Variants in NOL10 observed in about 807,000 individuals in gnomAD.
The protein encoded by NOL10 is nucleolar protein 10, also known as H_NH0074G24.1.
In NOL10, 58 loss-of-function variants were observed where a neutral mutation model predicts 103.5. The ratio of observed to expected loss-of-function variants is 0.56; its 90% CI spans 0.45 to 0.70. The LOEUF (loss-of-function observed/expected upper bound fraction) is 0.70, where lower values mean the gene tolerates loss of function less well. NOL10 is among the 30% of genes least tolerant of loss of function. The pLI is 0.00. For missense variants in NOL10, 763 were observed against 807.3 expected, an observed-to-expected ratio of 0.95 and a Z score of 0.67; for synonymous variants, 287 against 282.5, an observed-to-expected ratio of 1.02 and a Z score of -0.16.
chr2:10,639,977 C>T (rs1678588990), intron 13 of NOL10, among the ~76,000 whole-genome samples: 1 of 152,108 alleles, frequency 6.6e-6, no homozygotes, highest in Non-Finnish European at 1.5e-5. Context: ...TCAGGAACTG[C>T]ATTAGTTTAT....
intron 16 of NOL10, among the ~76,000 whole-genome samples, chr2:10,601,831 T>A (rs1675988636): frequency 1.3e-5 from 2 of 152,138 alleles, no homozygotes; most frequent in Admixed American, 1.3e-4. Flanking sequence ...CAGAAATCTT[T>A]TAACAGTCTG....
At chr2:10,684,914 A>T (rs1054323458) in intron 1 of NOL10, among the ~76,000 whole-genome samples, 1 of 152,202 alleles carries the variant, frequency 6.6e-6, no homozygotes, top group African/African-American at 2.4e-5. Context: ...AGCTCACCGA[A>T]GGCTCAAACT....
intron 19 of NOL10, among the ~76,000 whole-genome samples, chr2:10,580,291 T>C (rs1380475294): frequency 6.6e-6 from 1 of 152,222 alleles, no homozygotes; most frequent in Non-Finnish European, 1.5e-5. Context: ...CTTCTCAGCA[T>C]GTTTCTTCCA....
intron 12 of NOL10, among the ~76,000 whole-genome samples, chr2:10,649,296 T>C (rs946024713): frequency 1.3e-5 from 2 of 149,430 alleles, no homozygotes; most frequent in African/African-American, 4.9e-5. Context: ...TTTTTCAACT[T>C]TTCTGTATGT....
chr2:10,632,237 C>T (rs1395003740), intron 13 of NOL10, among the ~76,000 whole-genome samples: 2 of 152,110 alleles, frequency 1.3e-5, no homozygotes, highest in Admixed American at 6.6e-5. Flanking sequence ...GACAAAATGA[C>T]GCCCCTGCAT....
intron 12 of NOL10, among the ~76,000 whole-genome samples, chr2:10,645,090 A>G (rs555255054): frequency 6.6e-6 from 1 of 152,318 alleles, no homozygotes; most frequent in Admixed American, 6.5e-5. Context: ...ACTTTCACAT[A>G]TACTATCTTA....
At chr2:10,662,534 A>G (rs903196160) in intron 9 of NOL10, among the ~76,000 whole-genome samples, 4 of 152,236 alleles carry the variant, frequency 2.6e-5, no homozygotes, top group African/African-American at 9.6e-5. Context: ...AAATGGATGT[A>G]TAATAGTGAA....
intron 17 of NOL10, among the ~76,000 whole-genome samples, chr2:10,591,907 G>T (rs571986142): frequency 1.4e-4 from 22 of 152,280 alleles, no homozygotes; most frequent in African/African-American, 5.3e-4. Context: ...GAAGGCTGAG[G>T]TAGGAGGATC....
rs1674153401 is a variant in NOL10, at chr2:10,571,081, A to C, written c.*990T>G. ...GAGCATTTTCCTCCAATGTCATGTC[A>C]GTGCTTGATATGGTTTTGCTCTGTG... On this transcript the variant is annotated 3_prime_UTR_variant, in exon 21 of 21. Coordinates refer to ENST00000381685, the MANE Select transcript of NOL10 (RefSeq NM_024894.4). The C allele has an allele frequency of 6.6e-6, 1 of 152,256 alleles. No homozygotes were observed. Among genetic ancestry groups the C allele is most frequent in the South Asian group, 2.1e-4 (1 of 4,830 alleles). 9.4% of individuals were successfully genotyped at this position (152,256 alleles called of 1,614,324 possible). A position where few individuals can be genotyped will look rare whatever the true frequency, so the allele number is the denominator to read the frequency against.
At chr2:10,607,750 TTTATTA>T (rs373298093) in intron 13 of NOL10, among the ~76,000 whole-genome samples, 3 of 144,726 alleles carry the variant, frequency 2.1e-5, no homozygotes, top group Non-Finnish European at 3.0e-5. Context: ...AAAAACAATA[TTTATTA>T]TTATTATTAT....
At chr2:10,632,122 A>G (rs1677888818) in intron 13 of NOL10, among the ~76,000 whole-genome samples, 1 of 152,194 alleles carries the variant, frequency 6.6e-6, no homozygotes, top group Non-Finnish European at 1.5e-5. Flanking sequence ...TGCAGTAATC[A>G]GGTCACTCTC....
intron 19 of NOL10, 33 bp downstream of exon 19, chr2:10,589,010 A>G: frequency 6.2e-7 from 1 of 1,609,214 alleles, no homozygotes; most frequent in Non-Finnish European, 8.5e-7. Context: ...GCTTGGTTAC[A>G]TGTCAACTGT....
Position 10,577,622 on chromosome 2 carries a change from A to T in NOL10, c.1947+14T>A, listed in dbSNP as rs753592229. On this transcript the variant is annotated intron_variant, in intron 20 of 20. Coordinates refer to ENST00000381685, the MANE Select transcript of NOL10 (RefSeq NM_024894.4). ...CTTTTGTGAATTAAAAAATAACAAT[A>T]AAAGACAACTCACCCTCTTTAACGT... 47 of 1,581,508 alleles carry T rather than the reference A, an allele frequency of 3.0e-5. No individual in the cohort carries two copies. Among genetic ancestry groups the T allele is most frequent in the Non-Finnish European group, 3.6e-5 (41 of 1,154,784 alleles).
intron 12 of NOL10, among the ~76,000 whole-genome samples, chr2:10,648,884 G>A (rs1679268678): frequency 1.3e-5 from 2 of 151,980 alleles, no homozygotes; most frequent in South Asian, 2.1e-4. Flanking sequence ...ATACTGGATT[G>A]AAAGAAACTA....
intron 18 of NOL10, 91 bp downstream of exon 18, chr2:10,589,487 C>G: frequency 8.2e-7 from 1 of 1,221,340 alleles, no homozygotes; most frequent in Non-Finnish European, 1.1e-6. Context: ...TTAATTACAT[C>G]TCAAGTATAA....
intron 20 of NOL10, among the ~76,000 whole-genome samples, chr2:10,576,670 T>A (rs376364724): frequency 1.3e-5 from 2 of 152,292 alleles, no homozygotes; most frequent in African/African-American, 4.8e-5. Flanking sequence ...GGCAAAGCTA[T>A]GGAGACAGGA....
In NOL10 at chr2:10,603,173, C is replaced by A. The variant is rs372566049; in HGVS notation, c.1154-16G>T. 7.0e-6 allele frequency: 11 copies of A among 1,581,684 alleles called. No homozygotes were observed. The highest frequency in any genetic ancestry group is 5.1e-5 in the Admixed American group (3 of 58,558). ...TGGGTGAGCCCTGGGAAAGGTCAAA[C>A]AGAAGACAGCAGGTCCTTATGCAAT... On this transcript the variant is annotated splice_polypyrimidine_tract_variant and intron_variant, in intron 14 of 20. Transcript: ENST00000381685.
intron 13 of NOL10, among the ~76,000 whole-genome samples, chr2:10,609,244 T>C (rs1434092707): frequency 1.1e-5 from 1 of 94,288 alleles, no homozygotes; most frequent in Non-Finnish European, 2.0e-5. Context: ...AAGGGGAAGA[T>C]GGCTTAAAAA....
At chr2:10,676,638 CTTTTTTTTT>C (rs1281732474) in intron 3 of NOL10, among the ~76,000 whole-genome samples, 1 of 135,336 alleles carries the variant, frequency 7.4e-6, no homozygotes, top group Non-Finnish European at 1.6e-5. Flanking sequence ...GGCACTTTGT[CTTTTTTTTT>C]TTTTTTTTGA....
Sources: gnomAD v4.1 joint callset for allele counts (sites outside exome capture counted in the v4.1 genomes callset) on GRCh38, gnomAD v4.1.1 for gene constraint, MANE v1.5 for transcripts, NCBI Gene and HGNC (gene_info 2026-07-23, HGNC 2026-07-21) for gene names.